HOXB13: variants seen among roughly 807,000 people sequenced by gnomAD.
HOXB13 encodes homeobox protein Hox-B13.
HOXB13 carries 22 observed loss-of-function variants against 23.1 expected under a neutral mutation model. The ratio of observed to expected loss-of-function variants is 0.95; its 90% CI spans 0.68 to 1.36. HOXB13 has a LOEUF of 1.36. HOXB13 is among the 40% of genes most tolerant of loss of function. The probability of loss-of-function intolerance (pLI) is 0.00; values close to 1 mark genes in which losing one functional copy is unlikely to be tolerated. For synonymous variants in HOXB13, 173 were observed against 157.9 expected, an observed-to-expected ratio of 1.10 and a Z score of -0.72; for missense variants, 386 against 376.2, an observed-to-expected ratio of 1.03 and a Z score of -0.22.
At chr17:48,727,964 G>A (rs1597933642) in intron 1 of HOXB13, 29 bp downstream of exon 1, 1 of 1,597,722 alleles carries the variant, frequency 6.3e-7, no homozygotes, top group Non-Finnish European at 8.5e-7. Context: ...CAGGCTCAGA[G>A]ACAAGGGGAC....
chr17:48,728,253 G>A lies in HOXB13; in HGVS notation c.341C>T (p.Pro114Leu). The A allele has an allele frequency of 6.2e-7, 1 of 1,614,184 alleles. No individual in the cohort carries two copies. The highest frequency in any genetic ancestry group is 1.3e-5 in the African/African-American group (1 of 75,060). The part of the protein sequence containing the change: ...ATLAAYPAET[P>L]TAGEEYPSRP... ...GCTGGGGTACTCTTCCCCGGCCGTGGGAGTCTCCGCGGGGTACGCGGCCAG... is the reference window on the plus strand; with the variant it reads ...GCTGGGGTACTCTTCCCCGGCCGTGAGAGTCTCCGCGGGGTACGCGGCCAG... Residue 114 changes from proline (P) to leucine (L), a missense_variant, in exon 1 of 2, where the codon CCC becomes CTC. Coordinates refer to ENST00000290295, the MANE Select transcript of HOXB13 (RefSeq NM_006361.6).
At position 48,728,241 on chromosome 17, in the gene HOXB13, T is replaced by C; in HGVS notation, c.353A>G (p.Glu118Gly). ...CTCAGTGGGGCGGCTGGGGTACTCT[T>C]CCCCGGCCGTGGGAGTCTCCGCGGG... is the stretch of plus-strand genomic sequence containing the variant. ...AYPAETPTAG[E>G]EYPSRPTEFA... Residue 118 changes from glutamate to glycine, a missense_variant, in exon 1 of 2, where the codon GAA becomes GGA. Physicochemically the swap from Glu to Gly is moderately conservative, Grantham distance 98. Coordinates refer to ENST00000290295, the MANE Select transcript of HOXB13 (RefSeq NM_006361.6). 6.2e-7 allele frequency: 1 copy of C among 1,614,118 alleles called. No homozygotes were observed. The highest frequency in any genetic ancestry group is 1.7e-5 in the Admixed American group (1 of 60,020).
In HOXB13 at chr17:48,728,695, G is replaced by T. The variant is rs955797935; in HGVS notation, c.-102C>A. The T allele has an allele frequency of 2.6e-6, 3 of 1,152,028 alleles. No individual in the cohort carries two copies. Among genetic ancestry groups the T allele is most frequent in the Non-Finnish European group, 3.7e-6 (3 of 808,542 alleles). The allele number at this position is 1,152,028 out of a possible 1,614,324, so 71.4% of individuals were successfully genotyped here. A position where few individuals can be genotyped will look rare whatever the true frequency, so the allele number is the denominator to read the frequency against. ...GGGGGAATCCAAAGCGTTTTAAATC[G>T]CTCCCAGCTCGCAAGTCGCCTGCAT... On this transcript the variant is annotated 5_prime_UTR_variant, in exon 1 of 2. Transcript: ENST00000290295.
In HOXB13 at chr17:48,728,002, C is replaced by T. The variant is rs2038228873; in HGVS notation, c.592G>A (p.Ala198Thr). 3.1e-6 allele frequency: 5 copies of T among 1,613,576 alleles called. No homozygotes were observed. Among genetic ancestry groups the T allele is most frequent in the Non-Finnish European group, 4.2e-6 (5 of 1,179,692 alleles). ...QNPPGPFWKAAFADSSGQHPP... is the reference protein window; with the variant it reads ...QNPPGPFWKATFADSSGQHPP... ...AGGGTAATAGAGGTACCTGCAAATGCTGCCTTCCAAAAGGGACCTGGTGGG... is the reference window on the plus strand; with the variant it reads ...AGGGTAATAGAGGTACCTGCAAATGTTGCCTTCCAAAAGGGACCTGGTGGG... The change falls in exon 1 of 2, where the codon GCA becomes ACA. Residue 198 changes from alanine to threonine, a missense_variant. Ala to Thr is a moderately conservative substitution (Grantham distance 58). Transcript: ENST00000290295.
intron 1 of HOXB13, among the ~76,000 whole-genome samples, 172 bp from the exon 2 acceptor site, chr17:48,727,215 G>T (rs1301609650): frequency 2.6e-5 from 4 of 152,060 alleles, no homozygotes; most frequent in Admixed American, 2.6e-4. Flanking sequence ...CCTGGCTTCC[G>T]GCTTGTTCTC....
At chr17:48,727,563 G>A (rs562252335) in intron 1 of HOXB13, among the ~76,000 whole-genome samples, 11 of 152,312 alleles carry the variant, frequency 7.2e-5, no homozygotes, top group African/African-American at 2.6e-4. Context: ...GTGAGAGGTT[G>A]TATTCTCTAC....
rs1481764090 is a variant in HOXB13, at chr17:48,728,041, G to A, written c.553C>T (p.Gln185Ter). ...AGGWNSQMCCQGEQNPPGPFW... is the reference protein window; with the variant it reads ...AGGWNSQMCC ...GGACCTGGTGGGTTCTGTTCTCCCT[G>A]GCAACACATCTGGCTGTTCCAGCCA... Residue 185 changes from glutamine to a stop codon, truncating the protein, a stop_gained, in exon 1 of 2, where the codon CAG becomes TAG. Coordinates refer to ENST00000290295, the MANE Select transcript of HOXB13 (RefSeq NM_006361.6). LOFTEE classifies it high-confidence loss of function. 2 of 1,614,074 alleles carry A rather than the reference G, an allele frequency of 1.2e-6. No homozygotes were observed. Among genetic ancestry groups the A allele is most frequent in the Non-Finnish European group, 1.7e-6 (2 of 1,180,044 alleles).
At position 48,725,477 on chromosome 17, in the gene HOXB13, T is replaced by C. The variant is rs2038198766; in HGVS notation, c.*1313A>G. The stretch of plus-strand genomic sequence containing the variant: ...GCTGCGGCGGCCGCCGCGGGGTTTC[T>C]AGGAGAGCTGGCTCCGGGAGGGAAA... On this transcript the variant is annotated 3_prime_UTR_variant, in exon 2 of 2. Coordinates refer to ENST00000290295, the MANE Select transcript of HOXB13 (RefSeq NM_006361.6). The C allele has an allele frequency of 6.6e-6, 1 of 152,150 alleles. No individual in the cohort carries two copies. The highest frequency in any genetic ancestry group is 2.4e-5 in the African/African-American group (1 of 41,426). 9.4% of individuals were successfully genotyped at this position (152,150 alleles called of 1,614,324 possible). A position where few individuals can be genotyped will look rare whatever the true frequency, so the allele number is the denominator to read the frequency against.
Position 48,727,003 on chromosome 17 carries a change from A to G in HOXB13, c.642T>C (p.Arg214=), listed in dbSNP as rs2143067617. The change falls in exon 2 of 2, where the codon CGT becomes CGC. Residue 214 remains arginine, a synonymous_variant. Transcript: ENST00000290295. ...GQHPPDACAF[R]RGRKKRIPYS... is the part of the protein sequence containing the mutation. ...ACGGAATGCGTTTCTTGCGGCCGCG[A>G]CGAAAGGCGCAGGCGTCAGGAGGGT... The G allele has an allele frequency of 1.9e-6, 3 of 1,610,900 alleles. No homozygotes were observed. Among genetic ancestry groups the G allele is most frequent in the Non-Finnish European group, 2.5e-6 (3 of 1,179,980 alleles).
rs1597934198 is a variant in HOXB13, at chr17:48,728,149, C to T, written c.445G>A (p.Val149Met). 1.1e-5 allele frequency: 17 copies of T among 1,614,200 alleles called. No individual in the cohort carries two copies. Among genetic ancestry groups the T allele is most frequent in the Non-Finnish European group, 1.4e-5 (17 of 1,180,046 alleles). Residue 149 changes from valine to methionine, a missense_variant, in exon 1 of 2, where the codon GTG becomes ATG. By Grantham distance (21) the Val-to-Met change is conservative. Transcript: ENST00000290295. ...PMASYLDVSV[V>M]QTLGAPGEPR... is the part of the protein sequence containing the mutation. ...TCTCCAGGAGCACCCAGAGTCTGCA[C>T]CACAGACACGTCCAGGTAACTGGCC...
At position 48,728,682 on chromosome 17, in the gene HOXB13, A is replaced by G; in HGVS notation, c.-89T>C. 1 of 1,324,222 alleles carries G rather than the reference A, an allele frequency of 7.6e-7. No individual in the cohort carries two copies. Among genetic ancestry groups the G allele is most frequent in the African/African-American group, 1.5e-5 (1 of 68,442 alleles). The allele number at this position is 1,324,222 out of a possible 1,614,324, so 82.0% of individuals were successfully genotyped here. ...CCCCACCCAGGCCGGGGGAATCCAA[A>G]GCGTTTTAAATCGCTCCCAGCTCGC... is the stretch of plus-strand genomic sequence containing the variant. On this transcript the variant is annotated 5_prime_UTR_variant, in exon 1 of 2. Coordinates refer to ENST00000290295, the MANE Select transcript of HOXB13 (RefSeq NM_006361.6).
chr17:48,726,627 C>G lies in HOXB13; in HGVS notation c.*163G>C. 1 of 855,492 alleles carries G rather than the reference C, an allele frequency of 1.2e-6. No homozygotes were observed. The highest frequency in any genetic ancestry group is 1.8e-6 in the Non-Finnish European group (1 of 566,296). 53.0% of individuals were successfully genotyped at this position (855,492 alleles called of 1,614,324 possible). ...CCGTCTCCCTGCACATACTGGGTAC[C>G]CAGGCCGCTCCTGAGGAACAGTCCA... On this transcript the variant is annotated 3_prime_UTR_variant, in exon 2 of 2. Coordinates refer to ENST00000290295, the MANE Select transcript of HOXB13 (RefSeq NM_006361.6).
intron 1 of HOXB13, among the ~76,000 whole-genome samples, chr17:48,727,587 C>T (rs1364894490): frequency 6.6e-6 from 1 of 152,150 alleles, no homozygotes; most frequent in Non-Finnish European, 1.5e-5. Context: ...ACATCCAATA[C>T]CTTTTTACCC....
intron 1 of HOXB13, among the ~76,000 whole-genome samples, chr17:48,727,335 A>G (rs940405491): frequency 5.3e-5 from 8 of 152,104 alleles, no homozygotes; most frequent in African/African-American, 1.7e-4. Flanking sequence ...GCCTTTGCCC[A>G]CCATCACATA....
Position 48,728,057 on chromosome 17 carries a change from G to T in HOXB13, c.537C>A (p.Asn179Lys), listed in dbSNP as rs1213155563. Residue 179 changes from asparagine to lysine, a missense_variant, in exon 1 of 2, where the codon AAC (asparagine) becomes AAA (lysine). Coordinates refer to ENST00000290295, the MANE Select transcript of HOXB13 (RefSeq NM_006361.6). Reference sequence around the variant, plus strand: ...GTTCTCCCTGGCAACACATCTGGCTGTTCCAGCCACCAGCGAGAGCCCAAG... The same window carrying T: ...GTTCTCCCTGGCAACACATCTGGCTTTTCCAGCCACCAGCGAGAGCCCAAG... ...YQSWALAGGW[N>K]SQMCCQGEQN... The T allele has an allele frequency of 6.2e-7, 1 of 1,614,102 alleles. No homozygotes were observed. Among genetic ancestry groups the T allele is most frequent in the Non-Finnish European group, 8.5e-7 (1 of 1,180,052 alleles).
intron 1 of HOXB13, among the ~76,000 whole-genome samples, chr17:48,727,509 A>G (rs1351236443): frequency 7.9e-5 from 12 of 152,152 alleles, no homozygotes; most frequent in Non-Finnish European, 1.2e-4. Flanking sequence ...GCTGCAGGAA[A>G]CCTAAATTTT....
rs1190467155 is a variant in HOXB13, at chr17:48,726,753, C to T, written c.*37G>A. On this transcript the variant is annotated 3_prime_UTR_variant, in exon 2 of 2. Coordinates refer to ENST00000290295, the MANE Select transcript of HOXB13 (RefSeq NM_006361.6). ...AGGTTCCTGGTCTCCCCAGGACACC[C>T]CCACTTTCGCTCCTCCCACCCAGGC... 12 of 1,608,074 alleles carry T rather than the reference C, an allele frequency of 7.5e-6. No homozygotes were observed. Among genetic ancestry groups the T allele is most frequent in the Non-Finnish European group, 9.3e-6 (11 of 1,176,484 alleles).
In HOXB13 at chr17:48,728,270, C is replaced by T. The variant is rs768311961; in HGVS notation, c.324G>A (p.Ala108=). Residue 108 remains alanine (A), a synonymous_variant, in exon 1 of 2, where the codon GCG becomes GCA. Coordinates refer to ENST00000290295, the MANE Select transcript of HOXB13 (RefSeq NM_006361.6). ...CGGCCGTGGGAGTCTCCGCGGGGTA[C>T]GCGGCCAGGGTGGCTGCCTGGGCAC... ...KPCAQAATLA[A]YPAETPTAGE... 3.1e-6 allele frequency: 5 copies of T among 1,614,148 alleles called. No homozygotes were observed. The South Asian group carries it at 4.4e-5, about 14-fold the overall frequency.
In HOXB13 at chr17:48,727,061, G is replaced by C; in HGVS notation, c.602-18C>G. 4 of 1,601,822 alleles carry C rather than the reference G, an allele frequency of 2.5e-6. No homozygotes were observed. The highest frequency in any genetic ancestry group is 2.5e-6 in the Non-Finnish European group (3 of 1,179,162). On this transcript the variant is annotated intron_variant, in intron 1 of 1. Coordinates refer to ENST00000290295, the MANE Select transcript of HOXB13 (RefSeq NM_006361.6). ...GCTGGAGTCTGCGCGGCGTGAAAGG[G>C]AGGGAGGAAAAGGCATGGTCAGATA...
Sources: gnomAD v4.1 joint callset for allele counts (sites outside exome capture counted in the v4.1 genomes callset) on GRCh38, gnomAD v4.1.1 for gene constraint, MANE v1.5 for transcripts, NCBI Gene and HGNC (gene_info 2026-07-23, HGNC 2026-07-21) for gene names.